PLPPR1: variants seen among roughly 807,000 people sequenced by gnomAD.
The protein encoded by PLPPR1 is phospholipid phosphatase related 1.
PLPPR1 carries 10 observed loss-of-function variants against 33.1 expected under a neutral mutation model. The ratio of observed to expected loss-of-function variants is 0.30; its 90% CI spans 0.19 to 0.51. PLPPR1 has a LOEUF of 0.51. Ranked by LOEUF, PLPPR1 falls within the 20% of genes least tolerant of loss-of-function variation. The probability of loss-of-function intolerance (pLI) is 0.97; values close to 1 mark genes in which losing one functional copy is unlikely to be tolerated. For synonymous variants in PLPPR1, 151 were observed against 151.0 expected (o/e 1.00, Z 0.00); for missense variants, 304 against 408.1 (o/e 0.74, Z 2.20).
At chr9:101,129,264 G>A (rs1831286011) in intron 1 of PLPPR1, among the ~76,000 whole-genome samples, 1 of 152,038 alleles carries the variant, frequency 6.6e-6, no homozygotes, top group South Asian at 2.1e-4. Context: ...TTCACCACTG[G>A]TGATAATGTG....
intron 2 of PLPPR1, among the ~76,000 whole-genome samples, chr9:101,219,572 A>G (rs1209701835): frequency 6.6e-6 from 1 of 152,190 alleles, no homozygotes; most frequent in Non-Finnish European, 1.5e-5. Context: ...TATATTACCT[A>G]CAGGAAGTCA....
intron 1 of PLPPR1, among the ~76,000 whole-genome samples, chr9:101,153,403 G>C (rs1420359209): frequency 1.3e-5 from 2 of 152,054 alleles, no homozygotes; most frequent in Non-Finnish European, 2.9e-5. Flanking sequence ...CTGCCTGATT[G>C]CCCTGGCCAG....
At chr9:101,291,082 T>G (rs985611346) in intron 4 of PLPPR1, among the ~76,000 whole-genome samples, 8 of 152,168 alleles carry the variant, frequency 5.3e-5, no homozygotes, top group African/African-American at 1.7e-4. Flanking sequence ...ACTCCCACCC[T>G]AATACTGCGC....
chr9:101,120,132 AAT>A (rs746283847), intron 1 of PLPPR1, among the ~76,000 whole-genome samples: 67 of 152,220 alleles, frequency 4.4e-4, no homozygotes, highest in Non-Finnish European at 8.5e-4. Flanking sequence ...TTCCAGCCAA[AAT>A]ATATTTGCAC....
chr9:101,156,579 A>G (rs1271640328), intron 1 of PLPPR1, among the ~76,000 whole-genome samples: 1 of 148,920 alleles, frequency 6.7e-6, no homozygotes, highest in Non-Finnish European at 1.5e-5. Flanking sequence ...AAAAAGAAAG[A>G]AAGAAAGAAA....
intron 7 of PLPPR1, among the ~76,000 whole-genome samples, chr9:101,319,388 G>T (rs1286306812): frequency 6.6e-6 from 1 of 152,200 alleles, no homozygotes. Flanking sequence ...ATGTTGGCCA[G>T]GCTGGTCTCA....
chr9:101,306,271 A>G (rs1828857357), intron 4 of PLPPR1, among the ~76,000 whole-genome samples: 1 of 152,208 alleles, frequency 6.6e-6, no homozygotes, highest in Admixed American at 6.5e-5. Context: ...CCACATTTAC[A>G]AAAAACCCTT....
At chr9:101,166,823 C>G (rs1266116825) in intron 1 of PLPPR1, among the ~76,000 whole-genome samples, 3 of 152,046 alleles carry the variant, frequency 2.0e-5, no homozygotes, top group Admixed American at 2.0e-4. Context: ...ACTATGCACA[C>G]AGTGCTCCCC....
chr9:101,264,567 A>C (rs190906778), intron 2 of PLPPR1, among the ~76,000 whole-genome samples: 1 of 152,356 alleles, frequency 6.6e-6, no homozygotes, highest in Non-Finnish European at 1.5e-5. Flanking sequence ...TGCCCCAGGT[A>C]GATTACAAAT....
At chr9:101,257,775 A>G (rs770283604) in intron 2 of PLPPR1, among the ~76,000 whole-genome samples, 1 of 152,122 alleles carries the variant, frequency 6.6e-6, no homozygotes, top group Non-Finnish European at 1.5e-5. Context: ...TAATCCCACC[A>G]TAGCCCATCC....
chr9:101,301,654 C>A (rs1183663349), intron 4 of PLPPR1, among the ~76,000 whole-genome samples: 2 of 152,142 alleles, frequency 1.3e-5, no homozygotes, highest in Admixed American at 6.5e-5. Flanking sequence ...ATCCAAGGAA[C>A]TGATGTATTC....
At chr9:101,093,644 T>A (rs1263458657) in intron 1 of PLPPR1, among the ~76,000 whole-genome samples, 1 of 152,212 alleles carries the variant, frequency 6.6e-6, no homozygotes, top group African/African-American at 2.4e-5. Context: ...TTTTCATCCA[T>A]CTACTCAACT....
rs1020841050 is a variant in PLPPR1 at position 101,320,448 on chromosome 9, A to T, written c.945+2952A>T. ...ATGGATGAATACAAACTTGTCCCAAAACCTAAAGTAGACACTTTAGCCAAA... is the reference window on the plus strand; with the variant it reads ...ATGGATGAATACAAACTTGTCCCAATACCTAAAGTAGACACTTTAGCCAAA... On this transcript the variant is annotated intron_variant, in intron 7 of 7. Transcript: ENST00000374874. Among the ~76,000 whole-genome samples, 3 of 152,220 alleles carry T rather than the reference A, an allele frequency of 2.0e-5. 1 individual carries two copies. The highest frequency in any genetic ancestry group is 7.2e-5 in the African/African-American group (3 of 41,456).
intron 2 of PLPPR1, among the ~76,000 whole-genome samples, chr9:101,200,657 T>A (rs1198093815): frequency 6.6e-6 from 1 of 152,212 alleles, no homozygotes; most frequent in East Asian, 1.9e-4. Context: ...CCATTATTTC[T>A]GTGTAGGTCC....
At chr9:101,164,655 A>G (rs1159192228) in intron 1 of PLPPR1, among the ~76,000 whole-genome samples, 1 of 152,124 alleles carries the variant, frequency 6.6e-6, no homozygotes, top group Non-Finnish European at 1.5e-5. Flanking sequence ...GTCGCAAGCC[A>G]CTGCACCTGG....
At chr9:101,078,314 A>C (rs1050527489) in intron 1 of PLPPR1, among the ~76,000 whole-genome samples, 3 of 150,180 alleles carry the variant, frequency 2.0e-5, no homozygotes, top group African/African-American at 4.9e-5. Context: ...AGATGTGAGC[A>C]GGTCCTGTTC....
intron 2 of PLPPR1, among the ~76,000 whole-genome samples, chr9:101,235,018 A>G (rs371287901): frequency 5.7e-4 from 87 of 152,082 alleles, no homozygotes; most frequent in African/African-American, 1.9e-3. Flanking sequence ...TCTATAAACT[A>G]TGATAATTCA....
chr9:101,110,094 T>C (rs1015608844), intron 1 of PLPPR1, among the ~76,000 whole-genome samples: 1 of 152,240 alleles, frequency 6.6e-6, no homozygotes, highest in Non-Finnish European at 1.5e-5. Flanking sequence ...ATAATATGTA[T>C]GTAAAGTGAA....
At chr9:101,232,806 A>G (rs769516464) in intron 2 of PLPPR1, among the ~76,000 whole-genome samples, 11 of 152,004 alleles carry the variant, frequency 7.2e-5, no homozygotes, top group African/African-American at 1.2e-4. Flanking sequence ...CAGTTTCCTC[A>G]ATCAGTAAAA....
Sources: allele counts gnomAD v4.1 joint callset (sites outside exome capture counted in the v4.1 genomes callset), GRCh38; gene constraint gnomAD v4.1.1; transcripts MANE v1.5; gene names NCBI Gene and HGNC (gene_info 2026-07-23, HGNC 2026-07-21).